Variants in SV2C observed in about 807,000 individuals in gnomAD.
SV2C encodes synaptic vesicle glycoprotein 2C, also known as solute carrier family 22 member B3.
A neutral mutation model predicts 79.7 loss-of-function variants in SV2C; 49 were observed. The observed-to-expected ratio is 0.61, with a 90% confidence interval of 0.49 to 0.78. The LOEUF (loss-of-function observed/expected upper bound fraction) is 0.78. SV2C is among the 30% of genes least tolerant of loss of function. The probability of loss-of-function intolerance (pLI) is 0.00; values close to 1 mark genes in which losing one functional copy is unlikely to be tolerated. For missense variants in SV2C, 833 were observed against 912.9 expected, an observed-to-expected ratio of 0.91 and a Z score of 1.13; for synonymous variants, 334 against 333.2, an observed-to-expected ratio of 1.00 and a Z score of -0.03.
the SV2C span, among the ~76,000 whole-genome samples, chr5:76,064,301 G>C: frequency 2.6e-5 from 4 of 152,140 alleles, no homozygotes; most frequent in African/African-American, 9.7e-5. Flanking sequence ...ACAGAGCTCA[G>C]GCCCTGGACG....
the SV2C span, among the ~76,000 whole-genome samples, chr5:76,038,964 C>A: frequency 1.3e-5 from 2 of 152,160 alleles, no homozygotes; most frequent in Non-Finnish European, 2.9e-5. Context: ...TAGAACAGCA[C>A]AATATGACAT....
the SV2C span, among the ~76,000 whole-genome samples, chr5:76,063,362 T>C: frequency 2.8e-4 from 43 of 152,298 alleles, no homozygotes; most frequent in African/African-American, 9.6e-4. Flanking sequence ...CTAGGACACC[T>C]TGTGAAGGCT....
chr5:76,014,905 C>G, the SV2C span, among the ~76,000 whole-genome samples: 1 of 152,122 alleles, frequency 6.6e-6, no homozygotes, highest in South Asian at 2.1e-4. Flanking sequence ...AAAGATATAC[C>G]TATAAACTTA....
At chr5:76,136,881 G>A (rs1306268981) in intron 2 of SV2C, among the ~76,000 whole-genome samples, 1 of 152,178 alleles carries the variant, frequency 6.6e-6, no homozygotes, top group Non-Finnish European at 1.5e-5. Flanking sequence ...TGTTGGAGCT[G>A]ACAGGTCACA....
intron 3 of SV2C, among the ~76,000 whole-genome samples, chr5:76,206,494 C>T (rs1744612818): frequency 6.6e-6 from 1 of 152,214 alleles, no homozygotes; most frequent in Non-Finnish European, 1.5e-5. Flanking sequence ...GCTGTCAAAA[C>T]TTTCAGTCTA....
At chr5:76,013,590 C>T in the SV2C span, among the ~76,000 whole-genome samples, 15 of 152,154 alleles carry the variant, frequency 9.9e-5, no homozygotes, top group South Asian at 4.1e-4. Context: ...TATTTGGATA[C>T]GCTTTATTTC....
chr5:76,223,438 TACATAC>T (rs1561271075), intron 4 of SV2C, among the ~76,000 whole-genome samples: 814 of 63,698 alleles, frequency 0.013, 13 homozygotes, highest in African/African-American at 0.05. Flanking sequence ...TTTATATACA[TACATAC>T]ATATATATAT....
At chr5:76,098,239 G>A (rs747010275) in intron 1 of SV2C, among the ~76,000 whole-genome samples, 1 of 152,192 alleles carries the variant, frequency 6.6e-6, no homozygotes, top group Non-Finnish European at 1.5e-5. Context: ...AGTCTTCTGT[G>A]TATAAGAGTG....
At chr5:76,275,286 G>C (rs1746990461) in intron 4 of SV2C, among the ~76,000 whole-genome samples, 1 of 152,162 alleles carries the variant, frequency 6.6e-6, no homozygotes, top group Non-Finnish European at 1.5e-5. Flanking sequence ...AAGAGATCAA[G>C]ACCATCCTGG....
downstream of SV2C, among the ~76,000 whole-genome samples, chr5:76,334,203 GTTC>G (rs1337751166): frequency 6.6e-6 from 1 of 152,136 alleles, no homozygotes; most frequent in South Asian, 2.1e-4. Context: ...AGATGCTTGT[GTTC>G]TTTTGCCCTA....
At chr5:76,284,764 AG>A (rs1323278665) in intron 4 of SV2C, among the ~76,000 whole-genome samples, 1 of 152,180 alleles carries the variant, frequency 6.6e-6, no homozygotes, top group African/African-American at 2.4e-5. Flanking sequence ...TGGGCAAGGG[AG>A]CCGGTTGATG....
At chr5:75,970,453 A>G in the SV2C span, among the ~76,000 whole-genome samples, 2 of 152,088 alleles carry the variant, frequency 1.3e-5, no homozygotes. Flanking sequence ...GAAAAGAGAG[A>G]AGAATCAAAT....
the SV2C span, among the ~76,000 whole-genome samples, chr5:76,044,067 C>T: frequency 6.6e-6 from 1 of 152,174 alleles, no homozygotes; most frequent in Non-Finnish European, 1.5e-5. Context: ...CCTCCCCCTG[C>T]TCTCCCTCCA....
intron 2 of SV2C, among the ~76,000 whole-genome samples, chr5:76,171,780 G>A (rs1347199895): frequency 9.0e-5 from 11 of 122,718 alleles, no homozygotes; most frequent in African/African-American, 2.1e-4. Context: ...CCCCCCGCCC[G>A]GCCAGCCGCC....
the SV2C span, among the ~76,000 whole-genome samples, chr5:75,960,509 C>A: frequency 6.6e-6 from 1 of 151,954 alleles, no homozygotes; most frequent in Non-Finnish European, 1.5e-5. Flanking sequence ...AAATTGCCTA[C>A]AGTATTCAAT....
rs3079931 is a variant in SV2C, at chr5:76,139,856, A to ATTTT, written c.580+7547_580+7550dup. ...TCCATTTTTAGAAGCTCTTGAAAGTATTTTTTTTTTTTTTTTTTTTTTTTG... is the reference window on the plus strand; with the variant it reads ...TCCATTTTTAGAAGCTCTTGAAAGTATTTTTTTTTTTTTTTTTTTTTTTTTTTTG... On this transcript the variant is annotated intron_variant, in intron 2 of 12. Coordinates refer to ENST00000502798, the MANE Select transcript of SV2C (RefSeq NM_014979.4). Among the ~76,000 whole-genome samples, 224 of 65,324 alleles carry ATTTT rather than the reference A, an allele frequency of 3.4e-3. 1 individual carries two copies. The highest frequency in any genetic ancestry group is 9.4e-3 in the East Asian group (30 of 3,178). The allele number at this position is 65,324 out of a possible 152,430, so 42.9% of individuals were successfully genotyped here.
intron 4 of SV2C, among the ~76,000 whole-genome samples, chr5:76,217,520 C>T (rs74876243): frequency 4.1e-4 from 62 of 152,288 alleles, no homozygotes; most frequent in Non-Finnish European, 7.6e-4. Flanking sequence ...CAGTCTGATC[C>T]AGCCCACTCT....
At chr5:76,163,486 A>G (rs965943941) in intron 2 of SV2C, among the ~76,000 whole-genome samples, 1 of 152,222 alleles carries the variant, frequency 6.6e-6, no homozygotes, top group African/African-American at 2.4e-5. Flanking sequence ...TTTCCCATGA[A>G]CCAGAGCTTC....
chr5:75,909,619 T>C, the SV2C span, among the ~76,000 whole-genome samples: 2 of 152,214 alleles, frequency 1.3e-5, no homozygotes, highest in African/African-American at 4.8e-5. Context: ...TTGTTTCTGA[T>C]TTTCCATTAA....
Sources: gnomAD v4.1 joint callset for allele counts (sites outside exome capture counted in the v4.1 genomes callset) on GRCh38, gnomAD v4.1.1 for gene constraint, MANE v1.5 for transcripts, NCBI Gene and HGNC (gene_info 2026-07-23, HGNC 2026-07-21) for gene names.